The following EYA1 variants were observed in gnomAD, a reference collection of about 807,000 sequenced individuals.
EYA1 encodes the protein EYA transcriptional coactivator and phosphatase 1.
EYA1 carries 16 observed loss-of-function variants against 82.0 expected under a neutral mutation model. The ratio of observed to expected loss-of-function variants is 0.20; its 90% CI spans 0.13 to 0.30. The LOEUF (loss-of-function observed/expected upper bound fraction) is 0.30, where lower values mean the gene tolerates loss of function less well. EYA1 is among the 10% of genes least tolerant of loss of function. The probability of loss-of-function intolerance (pLI) is 1.00; values close to 1 mark genes in which losing one functional copy is unlikely to be tolerated. For missense variants in EYA1, 633 were observed against 730.7 expected, an observed-to-expected ratio of 0.87 and a Z score of 1.54; for synonymous variants, 261 against 264.4, an observed-to-expected ratio of 0.99 and a Z score of 0.12.
In EYA1 at chr8:71,417,722, G is replaced by A. The variant is rs548144536; in HGVS notation, c.34-61211C>T. On this transcript the variant is annotated intron_variant, in intron 2 of 18. Transcript: ENST00000643681. Reference sequence around the variant, plus strand: ...GCCCTCTATAACAAAGAATGATCCGGCCAACATGTCAGCAATGCTGAGGTT... The same window carrying A: ...GCCCTCTATAACAAAGAATGATCCGACCAACATGTCAGCAATGCTGAGGTT... Among the ~76,000 whole-genome samples, 4 of 152,248 alleles carry A rather than the reference G, an allele frequency of 2.6e-5. No homozygotes were observed. In the South Asian group the frequency reaches 8.3e-4, roughly 32 times the overall value.
chr8:71,532,983 T>G (rs1410469909), intron 2 of EYA1, among the ~76,000 whole-genome samples: 1 of 152,242 alleles, frequency 6.6e-6, no homozygotes, highest in African/African-American at 2.4e-5. Context: ...ACATCACTGA[T>G]GACTCTCACA....
chr8:71,291,747 C>T (rs1819020131), intron 9 of EYA1, among the ~76,000 whole-genome samples: 1 of 152,022 alleles, frequency 6.6e-6, no homozygotes, highest in South Asian at 2.1e-4. Flanking sequence ...CTTAATGATA[C>T]CTAACACTTA....
intron 2 of EYA1, among the ~76,000 whole-genome samples, chr8:71,454,063 G>T (rs1476022114): frequency 1.3e-5 from 2 of 152,032 alleles, no homozygotes; most frequent in Non-Finnish European, 2.9e-5. Flanking sequence ...TCAAAATAAA[G>T]GGATGAAGGA....
chr8:71,412,327 T>C (rs1439700230), intron 2 of EYA1, among the ~76,000 whole-genome samples: 1 of 149,370 alleles, frequency 6.7e-6, no homozygotes, highest in Non-Finnish European at 1.5e-5. Flanking sequence ...CATGTATACA[T>C]ATGTAACTAA....
At chr8:71,534,587 A>G (rs1355956960) in intron 2 of EYA1, among the ~76,000 whole-genome samples, 1 of 152,222 alleles carries the variant, frequency 6.6e-6, no homozygotes, top group Admixed American at 6.5e-5. Flanking sequence ...CAGTGTTACT[A>G]AAGATCATGC....
chr8:71,281,555 C>T (rs555037195), intron 9 of EYA1, among the ~76,000 whole-genome samples: 18 of 152,324 alleles, frequency 1.2e-4, no homozygotes, highest in Non-Finnish European at 2.5e-4. Context: ...GGAAAATAAG[C>T]AAAATTTGTC....
intron 9 of EYA1, among the ~76,000 whole-genome samples, chr8:71,294,003 A>G (rs1819301859): frequency 1.3e-5 from 2 of 151,210 alleles, no homozygotes; most frequent in African/African-American, 4.8e-5. Context: ...CACAAAAAAC[A>G]TGATTGTCTA....
chr8:71,429,914 A>G (rs1305827741), intron 2 of EYA1, among the ~76,000 whole-genome samples: 1 of 152,218 alleles, frequency 6.6e-6, no homozygotes, highest in African/African-American at 2.4e-5. Flanking sequence ...TAACTTTGGC[A>G]TTATGAATAC....
At chr8:71,333,312 A>G (rs1054015522) in intron 4 of EYA1, among the ~76,000 whole-genome samples, 1 of 152,222 alleles carries the variant, frequency 6.6e-6, no homozygotes, top group Non-Finnish European at 1.5e-5. Flanking sequence ...TGTATTAAAT[A>G]AATGATCCAG....
At chr8:71,335,067 A>G (rs1437160754) in intron 3 of EYA1, among the ~76,000 whole-genome samples, 1 of 152,204 alleles carries the variant, frequency 6.6e-6, no homozygotes, top group African/African-American at 2.4e-5. Context: ...CTTAGAAACT[A>G]CTGGTGAAGT....
intron 3 of EYA1, among the ~76,000 whole-genome samples, chr8:71,345,940 G>T (rs894569131): frequency 4.0e-5 from 6 of 151,812 alleles, no homozygotes; most frequent in African/African-American, 1.5e-4. Context: ...CATCATCTTT[G>T]GTGTCTAAAC....
chr8:71,524,029 T>G (rs1296421007), intron 2 of EYA1, among the ~76,000 whole-genome samples: 3 of 152,228 alleles, frequency 2.0e-5, no homozygotes, highest in African/African-American at 7.2e-5. Context: ...TAATGTAAAC[T>G]TTTTAACAAA....
chr8:71,450,980 C>G (rs530516345), intron 2 of EYA1, among the ~76,000 whole-genome samples: 134 of 152,260 alleles, frequency 8.8e-4, no homozygotes, highest in Middle Eastern at 3.4e-3. Flanking sequence ...CTAGCAAACA[C>G]GAATAAACAT....
intron 2 of EYA1, among the ~76,000 whole-genome samples, chr8:71,452,902 G>T (rs1042983346): frequency 3.3e-5 from 5 of 152,216 alleles, no homozygotes; most frequent in Non-Finnish European, 7.3e-5. Context: ...GCCAGCAACG[G>T]AACAAAGCTG....
At chr8:71,322,963 T>C (rs181260842) in intron 4 of EYA1, among the ~76,000 whole-genome samples, 142 of 152,274 alleles carry the variant, frequency 9.3e-4, no homozygotes, top group Admixed American at 2.9e-3. Context: ...AAGAGGTATT[T>C]AAGCATTCAA....
intron 1 of EYA1, among the ~76,000 whole-genome samples, chr8:71,543,624 C>A (rs1198907368): frequency 6.6e-6 from 1 of 152,102 alleles, no homozygotes; most frequent in African/African-American, 2.4e-5. Context: ...AGCTGTTTAT[C>A]CACCAATATC....
intron 12 of EYA1, among the ~76,000 whole-genome samples, chr8:71,225,600 A>C (rs372398641): frequency 6.6e-6 from 1 of 152,222 alleles, no homozygotes; most frequent in Non-Finnish European, 1.5e-5. Context: ...CCCACTCTAA[A>C]CTATCTACTC....
chr8:71,299,271 T>C, intron 8 of EYA1, 38 bp from the exon 9 acceptor site: 2 of 1,588,852 alleles, frequency 1.3e-6, no homozygotes, highest in Non-Finnish European at 1.7e-6. Context: ...TCTGTCAAAA[T>C]ACTGCTGCTT....
intron 11 of EYA1, among the ~76,000 whole-genome samples, chr8:71,258,966 T>G (rs1246097363): frequency 6.6e-6 from 1 of 152,200 alleles, no homozygotes; most frequent in East Asian, 1.9e-4. Flanking sequence ...AAGCTAATTG[T>G]GTCACAAAGT....
Sources: gnomAD v4.1 joint callset for allele counts (sites outside exome capture counted in the v4.1 genomes callset) on GRCh38, gnomAD v4.1.1 for gene constraint, MANE v1.5 for transcripts, NCBI Gene and HGNC (gene_info 2026-07-23, HGNC 2026-07-21) for gene names.